The following UBFD1 variants were observed in gnomAD, a reference collection of about 807,000 sequenced individuals.
The protein encoded by UBFD1 is ubiquitin family domain containing 1.
A neutral mutation model predicts 35.1 loss-of-function variants in UBFD1; 12 were observed. The observed-to-expected ratio is 0.34, with a 90% confidence interval of 0.22 to 0.55. The LOEUF (loss-of-function observed/expected upper bound fraction) is 0.55. UBFD1 is among the 20% of genes least tolerant of loss of function. UBFD1 has a pLI of 0.89. For synonymous variants in UBFD1, 178 were observed against 167.6 expected, an observed-to-expected ratio of 1.06 and a Z score of -0.48; for missense variants, 337 against 410.8, an observed-to-expected ratio of 0.82 and a Z score of 1.55.
In UBFD1 at chr16:23,570,833, A is replaced by T. The variant is rs540207320; in HGVS notation, c.*243A>T. The T allele has an allele frequency of 4.4e-4, 146 of 330,686 alleles. No individual in the cohort carries two copies. Among genetic ancestry groups the T allele is most frequent in the Non-Finnish European group, 7.5e-4 (135 of 179,934 alleles). The allele number at this position is 330,686 out of a possible 1,614,324, so 20.5% of individuals were successfully genotyped here. On this transcript the variant is annotated 3_prime_UTR_variant, in exon 7 of 7. Coordinates refer to ENST00000395878, the MANE Select transcript of UBFD1 (RefSeq NM_019116.3). The stretch of plus-strand genomic sequence containing the variant: ...TCATACCATTTTTAAAGTCAATACG[A>T]TGGAAATCAATAAATCTGAATTCCG...
rs771829461 is a variant in UBFD1 at position 23,570,638 on chromosome 16, T to C, written c.*48T>C. 2.7e-6 allele frequency: 4 copies of C among 1,497,578 alleles called. No homozygotes were observed. The highest frequency in any genetic ancestry group is 3.4e-5 in the Admixed American group (2 of 59,042). 92.8% of individuals were successfully genotyped at this position (1,497,578 alleles called of 1,614,324 possible). A position where few individuals can be genotyped will look rare whatever the true frequency, so the allele number is the denominator to read the frequency against. On this transcript the variant is annotated 3_prime_UTR_variant, in exon 7 of 7. Transcript: ENST00000395878. The stretch of plus-strand genomic sequence containing the variant: ...GGAGACTGACCCAAAGTGAAGGACA[T>C]TGCCGGGAGAGGCCTGCAGCATCCC...
rs537055423 is a variant in UBFD1 at position 23,564,423 on chromosome 16, A to G, written c.736+1693A>G. The G allele has an allele frequency of 4.6e-5, 7 of 152,344 alleles. 1 individual carries two copies. The East Asian group carries it at 1.4e-3, about 29-fold the overall frequency. The allele number at this position is 152,344 out of a possible 1,614,324, so 9.4% of individuals were successfully genotyped here. ...GCATGGTCAAAGCAAGTTTTGCAGAATATCTGAGGGTTCCCCCCAGTTTTT... is the reference window on the plus strand; with the variant it reads ...GCATGGTCAAAGCAAGTTTTGCAGAGTATCTGAGGGTTCCCCCCAGTTTTT... On this transcript the variant is annotated intron_variant, in intron 5 of 6. Transcript: ENST00000395878.
At chr16:23,561,817 G>A (rs577215390) in intron 3 of UBFD1, 2 of 167,300 alleles carry the variant, frequency 1.2e-5, no homozygotes, top group South Asian at 2.0e-4. Flanking sequence ...AATCATTTCA[G>A]TGGTGATTTT....
chr16:23,572,997 G>GTA lies in UBFD1; in HGVS notation c.*2409_*2410dup, dbSNP rs989596389. ...TTCGATCCGTGTCTGGGCCACAGTAGTATTCACTGTTTAGTCTTTGAGTTC... is the reference window on the plus strand; with the variant it reads ...TTCGATCCGTGTCTGGGCCACAGTAGTATATTCACTGTTTAGTCTTTGAGTTC... On this transcript the variant is annotated 3_prime_UTR_variant, in exon 7 of 7. Coordinates refer to ENST00000395878, the MANE Select transcript of UBFD1 (RefSeq NM_019116.3). 1.3e-5 allele frequency: 2 copies of GTA among 152,208 alleles called. No individual in the cohort carries two copies. The highest frequency in any genetic ancestry group is 4.8e-5 in the African/African-American group (2 of 41,458). 9.4% of individuals were successfully genotyped at this position (152,208 alleles called of 1,614,324 possible).
chr16:23,570,879 C>G lies in UBFD1; in HGVS notation c.*289C>G, dbSNP rs1966073738. The G allele has an allele frequency of 4.7e-6, 1 of 211,020 alleles. No individual in the cohort carries two copies. Among genetic ancestry groups the G allele is most frequent in the Non-Finnish European group, 9.4e-6 (1 of 106,364 alleles). 13.1% of individuals were successfully genotyped at this position (211,020 alleles called of 1,614,324 possible). ...TTCCGAACATGTTGTGTGGAATACTCTTAAGTGTGTTTGAGAGTAGATCTG... is the reference window on the plus strand; with the variant it reads ...TTCCGAACATGTTGTGTGGAATACTGTTAAGTGTGTTTGAGAGTAGATCTG... On this transcript the variant is annotated 3_prime_UTR_variant, in exon 7 of 7. Transcript: ENST00000395878.
Position 23,558,287 on chromosome 16 carries a change from C to T in UBFD1, c.355+8C>T, listed in dbSNP as rs755587844. ...AGATCCACTCGATTACAGGTAATTC[C>T]TGTGGCGCTGACAGCCAGTCTTCCC... On this transcript the variant is annotated splice_region_variant and intron_variant, in intron 2 of 6. Transcript: ENST00000395878. 2.5e-6 allele frequency: 4 copies of T among 1,593,212 alleles called. No homozygotes were observed. The highest frequency in any genetic ancestry group is 1.7e-4 in the Middle Eastern group (1 of 6,014).
At chr16:23,562,533 GC>G (rs1965951684) in intron 4 of UBFD1, 91 bp from the exon 5 acceptor site, 3 of 1,192,152 alleles carry the variant, frequency 2.5e-6, no homozygotes, top group Non-Finnish European at 3.6e-6. Context: ...CTCCCAGTGT[GC>G]TGGGATTACA....
chr16:23,561,971 A>G, intron 3 of UBFD1: 1 of 413,284 alleles, frequency 2.4e-6, no homozygotes, highest in Non-Finnish European at 4.3e-6. Flanking sequence ...CTGCATTTCA[A>G]GTGTGTAATA....
intron 6 of UBFD1, chr16:23,569,520 A>G (rs1966055560): frequency 6.6e-6 from 1 of 152,186 alleles, no homozygotes; most frequent in Non-Finnish European, 1.5e-5. Context: ...GCACCGCTGC[A>G]CTCCAGCCTG....
intron 3 of UBFD1, among the ~76,000 whole-genome samples, chr16:23,560,510 G>A (rs758097478): frequency 6.6e-6 from 1 of 152,116 alleles, no homozygotes; most frequent in Non-Finnish European, 1.5e-5. Context: ...TAGACACTAA[G>A]ATATATGACC....
At chr16:23,562,813 C>A in intron 5 of UBFD1, 83 bp downstream of exon 5, 1 of 1,206,018 alleles carries the variant, frequency 8.3e-7, no homozygotes. Context: ...GCGATTTCAC[C>A]CCTCCTTCTG....
intron 5 of UBFD1, chr16:23,564,384 A>G (rs1201646664): frequency 6.6e-6 from 1 of 152,240 alleles, no homozygotes; most frequent in East Asian, 1.9e-4. Flanking sequence ...TTCATTTCAC[A>G]TTCAACTCTA....
At chr16:23,560,200 C>G (rs1299313396) in intron 3 of UBFD1, among the ~76,000 whole-genome samples, 1 of 152,100 alleles carries the variant, frequency 6.6e-6, no homozygotes. Context: ...TTGTCCTGAT[C>G]TGTGAAATAG....
intron 6 of UBFD1, 113 bp downstream of exon 6, chr16:23,567,182 C>G: frequency 1.0e-6 from 1 of 976,386 alleles, no homozygotes; most frequent in Non-Finnish European, 1.5e-6. Context: ...CCAGAAGATG[C>G]ACTTTTTTAA....
intron 3 of UBFD1, among the ~76,000 whole-genome samples, chr16:23,560,694 C>T (rs1965919513): frequency 6.6e-6 from 1 of 152,142 alleles, no homozygotes; most frequent in South Asian, 2.1e-4. Context: ...CCAGACCCCA[C>T]AGAGAAGATT....
chr16:23,572,531 A>C lies in UBFD1; in HGVS notation c.*1941A>C, dbSNP rs894807281. Reference sequence around the variant, plus strand: ...CGCACACCTACTTTTGATCTCTCAGAGCAGGTGGCTCCATCCCCAGACTAG... The same window carrying C: ...CGCACACCTACTTTTGATCTCTCAGCGCAGGTGGCTCCATCCCCAGACTAG... On this transcript the variant is annotated 3_prime_UTR_variant, in exon 7 of 7. Transcript: ENST00000395878. 1.3e-5 allele frequency: 2 copies of C among 153,230 alleles called. No homozygotes were observed. Among genetic ancestry groups the C allele is most frequent in the Non-Finnish European group, 2.9e-5 (2 of 68,050 alleles). The allele number at this position is 153,230 out of a possible 1,614,324, so 9.5% of individuals were successfully genotyped here. A position where few individuals can be genotyped will look rare whatever the true frequency, so the allele number is the denominator to read the frequency against.
intron 5 of UBFD1, chr16:23,566,455 G>T (rs1172716486): frequency 6.6e-6 from 1 of 152,260 alleles, no homozygotes; most frequent in Non-Finnish European, 1.5e-5. Context: ...CTGCCCCCCG[G>T]GTTCAAGCGA....
intron 2 of UBFD1, 64 bp from the exon 3 acceptor site, chr16:23,559,404 G>A: frequency 6.9e-7 from 1 of 1,439,140 alleles, no homozygotes; most frequent in Admixed American, 1.9e-5. Flanking sequence ...AAAGAGCTGT[G>A]TAGTATCCAT....
intron 3 of UBFD1, among the ~76,000 whole-genome samples, chr16:23,561,480 TG>T (rs1965933131): frequency 6.6e-6 from 1 of 152,100 alleles, no homozygotes; most frequent in Admixed American, 6.6e-5. Context: ...TTAGAATCCT[TG>T]AAGAGCTGCC....
Sources: gnomAD v4.1 joint callset for allele counts (sites outside exome capture counted in the v4.1 genomes callset) on GRCh38, gnomAD v4.1.1 for gene constraint, MANE v1.5 for transcripts, NCBI Gene and HGNC (gene_info 2026-07-23, HGNC 2026-07-21) for gene names.